Variants in PAPPA2 observed in about 807,000 individuals in gnomAD.
PAPPA2 encodes the protein pappalysin 2.
In PAPPA2, 86 loss-of-function variants were observed where a neutral mutation model predicts 176.4. The ratio of observed to expected loss-of-function variants is 0.49; its 90% CI spans 0.41 to 0.58. PAPPA2 has a LOEUF of 0.58. Ranked by LOEUF, PAPPA2 falls within the 20% of genes least tolerant of loss-of-function variation. The pLI, the probability that PAPPA2 is intolerant of heterozygous loss-of-function variation, is 0.00. For synonymous variants in PAPPA2, 809 were observed against 852.2 expected (o/e 0.95, Z 0.88); for missense variants, 2,073 against 2,256.9 (o/e 0.92, Z 1.65).
At chr1:176,697,494 A>G (rs1660440749) in intron 7 of PAPPA2, among the ~76,000 whole-genome samples, 1 of 152,218 alleles carries the variant, frequency 6.6e-6, no homozygotes, top group Admixed American at 6.5e-5. Context: ...TTTAAAATAT[A>G]CACTATAAGA....
intron 3 of PAPPA2, among the ~76,000 whole-genome samples, chr1:176,642,808 A>G (rs1221063142): frequency 6.6e-6 from 1 of 151,980 alleles, no homozygotes; most frequent in Non-Finnish European, 1.5e-5. Context: ...CAGAAAATGT[A>G]ACTCTGCAAT....
At chr1:176,725,754 T>G (rs1315938950) in intron 12 of PAPPA2, among the ~76,000 whole-genome samples, 1 of 152,160 alleles carries the variant, frequency 6.6e-6, no homozygotes, top group Non-Finnish European at 1.5e-5. Flanking sequence ...CATAACAGAT[T>G]TATTTTAGTG....
chr1:176,792,338 G>A (rs1053874307), intron 19 of PAPPA2, among the ~76,000 whole-genome samples: 1 of 152,202 alleles, frequency 6.6e-6, no homozygotes, highest in Non-Finnish European at 1.5e-5. Context: ...TTAGCAAGGA[G>A]TAATTTTATC....
At chr1:176,513,283 A>G (rs1572987336) in intron 1 of PAPPA2, among the ~76,000 whole-genome samples, 2 of 152,134 alleles carry the variant, frequency 1.3e-5, no homozygotes, top group South Asian at 2.1e-4. Flanking sequence ...CTCATATTCC[A>G]TAGCTTTTTG....
At chr1:176,563,971 T>G (rs1431724126) in intron 2 of PAPPA2, among the ~76,000 whole-genome samples, 2 of 152,152 alleles carry the variant, frequency 1.3e-5, no homozygotes, top group African/African-American at 4.8e-5. Context: ...CCATCCCACC[T>G]TCCTTCCCTC....
chr1:176,629,428 C>T (rs1656221204), intron 3 of PAPPA2, among the ~76,000 whole-genome samples: 1 of 152,180 alleles, frequency 6.6e-6, no homozygotes, highest in Non-Finnish European at 1.5e-5. Flanking sequence ...CAACTGGCAA[C>T]AGATGGGTCT....
intron 2 of PAPPA2, among the ~76,000 whole-genome samples, chr1:176,565,263 C>G (rs1651897502): frequency 6.6e-6 from 1 of 152,060 alleles, no homozygotes; most frequent in African/African-American, 2.4e-5. Context: ...TGATTAGATA[C>G]CTAGGAGTGG....
At chr1:176,758,782 A>G (rs1213986735) in intron 14 of PAPPA2, among the ~76,000 whole-genome samples, 2 of 152,206 alleles carry the variant, frequency 1.3e-5, no homozygotes, top group Non-Finnish European at 2.9e-5. Context: ...AGCAAGAAAG[A>G]TTATGAGAAA....
chr1:176,771,244 C>A, intron 17 of PAPPA2, 64 bp downstream of exon 17: 1 of 1,518,198 alleles, frequency 6.6e-7, no homozygotes. Context: ...GTTTGTTTTT[C>A]TGTATAATCT....
At chr1:176,672,106 C>T (rs1169685364) in intron 4 of PAPPA2, among the ~76,000 whole-genome samples, 1 of 151,612 alleles carries the variant, frequency 6.6e-6, no homozygotes, top group East Asian at 1.9e-4. Context: ...GAAAGACAAT[C>T]CTTTTTACAA....
At position 176,594,932 on chromosome 1, in the gene PAPPA2, A is replaced by T. The variant is rs1295281892; in HGVS notation, c.1328A>T (p.Gln443Leu). 3 of 1,614,228 alleles carry T rather than the reference A, an allele frequency of 1.9e-6. No individual in the cohort carries two copies. The highest frequency in any genetic ancestry group is 1.1e-5 in the South Asian group (1 of 91,086). The stretch of plus-strand genomic sequence containing the variant: ...CAAAGCCATTTTCAGCACAGTTCTC[A>T]GCATTCAAGTGGGGAGGAGGAAGCG... ...LPQSHFQHSSQHSSGEEEATD... is the reference protein window; with the variant it reads ...LPQSHFQHSSLHSSGEEEATD... Residue 443 changes from glutamine to leucine, a missense_variant, in exon 3 of 23, where the codon CAG becomes CTG. This residue lies in a region of PAPPA2 where 1,196 missense variants were observed against 1,330.4 expected (regional missense o/e 0.90). Transcript: ENST00000367662.
At chr1:176,500,938 A>G (rs1647923125) in intron 1 of PAPPA2, among the ~76,000 whole-genome samples, 1 of 152,022 alleles carries the variant, frequency 6.6e-6, no homozygotes, top group African/African-American at 2.4e-5. Flanking sequence ...ACAGTATATT[A>G]GTACCCAGAA....
At chr1:176,623,712 TTCTTTCTTTCTTTC>T (rs201212506) in intron 3 of PAPPA2, among the ~76,000 whole-genome samples, 1 of 42,114 alleles carries the variant, frequency 2.4e-5, no homozygotes, top group East Asian at 3.3e-4. Flanking sequence ...CTTTCTTTTC[TTCTTTCTTTCTTTC>T]TCTTTCTTTC....
intron 21 of PAPPA2, among the ~76,000 whole-genome samples, chr1:176,830,882 C>A (rs1286178421): frequency 6.6e-6 from 1 of 152,124 alleles, no homozygotes; most frequent in Non-Finnish European, 1.5e-5. Flanking sequence ...TGTTCCTGGG[C>A]AGCATTTTAA....
chr1:176,733,577 A>G (rs945671981), intron 12 of PAPPA2, among the ~76,000 whole-genome samples: 4 of 152,158 alleles, frequency 2.6e-5, no homozygotes, highest in Non-Finnish European at 5.9e-5. Context: ...AGACACATGA[A>G]TAATTGGGAT....
chr1:176,743,308 T>G (rs1662766709), intron 14 of PAPPA2, among the ~76,000 whole-genome samples: 1 of 152,228 alleles, frequency 6.6e-6, no homozygotes, highest in South Asian at 2.1e-4. Flanking sequence ...CTTCATTCCC[T>G]GGTTCCTTTA....
At chr1:176,728,100 AG>A (rs1255848081) in intron 12 of PAPPA2, among the ~76,000 whole-genome samples, 1 of 151,964 alleles carries the variant, frequency 6.6e-6, no homozygotes, top group Non-Finnish European at 1.5e-5. Context: ...AAGTAGAAAA[AG>A]ATCAAATTAA....
intron 3 of PAPPA2, among the ~76,000 whole-genome samples, chr1:176,624,889 C>G (rs1297236813): frequency 1.3e-5 from 2 of 152,138 alleles, no homozygotes; most frequent in Non-Finnish European, 2.9e-5. Context: ...CAGGGCAGAT[C>G]CCCAGGAGGG....
intron 11 of PAPPA2, among the ~76,000 whole-genome samples, chr1:176,711,392 G>C (rs1201034942): frequency 6.6e-6 from 1 of 152,110 alleles, no homozygotes; most frequent in Non-Finnish European, 1.5e-5. Context: ...TAAGTGAAGT[G>C]GGAGAAATTT....
Sources: gnomAD v4.1 joint callset for allele counts (sites outside exome capture counted in the v4.1 genomes callset) on GRCh38, gnomAD v4.1.1 for gene constraint, gnomAD v4.1.1 regional missense constraint, MANE v1.5 for transcripts, NCBI Gene and HGNC (gene_info 2026-07-23, HGNC 2026-07-21) for gene names.